ENTPD1: variants seen among roughly 807,000 people sequenced by gnomAD.
ENTPD1 encodes ectonucleoside triphosphate diphosphohydrolase 1, also known as ATP diphosphohydrolase.
In ENTPD1, 33 loss-of-function variants were observed where a neutral mutation model predicts 57.0. The ratio of observed to expected loss-of-function variants is 0.58; its 90% CI spans 0.44 to 0.77. ENTPD1 has a LOEUF of 0.77. ENTPD1 is among the 30% of genes least tolerant of loss of function. The pLI, the probability that ENTPD1 is intolerant of heterozygous loss-of-function variation, is 0.00. For synonymous variants in ENTPD1, 202 were observed against 218.8 expected (o/e 0.92, Z 0.68); for missense variants, 501 against 603.4 (o/e 0.83, Z 1.78).
intron 1 of ENTPD1, among the ~76,000 whole-genome samples, chr10:95,802,370 G>A (rs2098253334): frequency 6.6e-6 from 1 of 152,084 alleles, no homozygotes; most frequent in African/African-American, 2.4e-5. Context: ...AGAGCAGGTT[G>A]TAAAATGTTT....
upstream of ENTPD1, among the ~76,000 whole-genome samples, chr10:95,707,488 T>C (rs1487075443): frequency 6.6e-6 from 1 of 152,204 alleles, no homozygotes; most frequent in Non-Finnish European, 1.5e-5. Flanking sequence ...CCATCAGTTA[T>C]GTTTGAGAGG....
chr10:95,696,733 A>G, the ENTPD1 span, among the ~76,000 whole-genome samples: 3 of 152,242 alleles, frequency 2.0e-5, no homozygotes, highest in Non-Finnish European at 4.4e-5. Flanking sequence ...ATGGGGACCA[A>G]GTCTTAAATT....
chr10:95,725,303 C>G (rs543292551), intron 1 of ENTPD1, among the ~76,000 whole-genome samples: 1 of 152,196 alleles, frequency 6.6e-6, no homozygotes, highest in East Asian at 1.9e-4. Context: ...CTTGAAATCT[C>G]TGCTAAATCC....
chr10:95,811,676 G>A (rs761532795), intron 1 of ENTPD1, among the ~76,000 whole-genome samples: 4 of 152,154 alleles, frequency 2.6e-5, no homozygotes, highest in African/African-American at 4.8e-5. Flanking sequence ...GACCCACCAC[G>A]CCTGGCCCCA....
upstream of ENTPD1, chr10:95,755,840 T>G: frequency 6.6e-7 from 1 of 1,513,712 alleles, no homozygotes; most frequent in Non-Finnish European, 8.9e-7. Flanking sequence ...CTGAGATGAC[T>G]TTTTCAAGGG....
chr10:95,782,132 A>C (rs949773957), intron 1 of ENTPD1, among the ~76,000 whole-genome samples: 15 of 152,240 alleles, frequency 9.9e-5, no homozygotes, highest in African/African-American at 3.6e-4. Context: ...ATTGGTTTGC[A>C]GTGATCTATA....
At chr10:95,807,893 A>G (rs2098279629) in intron 1 of ENTPD1, among the ~76,000 whole-genome samples, 2 of 152,274 alleles carry the variant, frequency 1.3e-5, no homozygotes, top group East Asian at 1.9e-4. Context: ...TTCTCTTCCT[A>G]TTTGGATGCC....
intron 8 of ENTPD1, among the ~76,000 whole-genome samples, chr10:95,862,149 G>A (rs1721946010): frequency 6.6e-6 from 1 of 152,172 alleles, no homozygotes; most frequent in African/African-American, 2.4e-5. Flanking sequence ...CAGAGGCCCT[G>A]GAAGTAAGCT....
At chr10:95,805,317 C>CT (rs202014571) in intron 1 of ENTPD1, among the ~76,000 whole-genome samples, 34 of 151,932 alleles carry the variant, frequency 2.2e-4, no homozygotes, top group African/African-American at 5.8e-4. Context: ...GCAACCCCTC[C>CT]TTTTTTTTGC....
At chr10:95,721,021 C>G in intron 1 of ENTPD1, among the ~76,000 whole-genome samples, 1 of 152,134 alleles carries the variant, frequency 6.6e-6, no homozygotes, top group East Asian at 1.9e-4. Flanking sequence ...TGCTCCATGC[C>G]TAAGGCGGAC....
chr10:95,710,035 A>G (rs918188019), upstream of ENTPD1, among the ~76,000 whole-genome samples: 1 of 151,536 alleles, frequency 6.6e-6, no homozygotes, highest in African/African-American at 2.4e-5. Flanking sequence ...CGGCCTCCCA[A>G]AGTGCTGGGA....
At chr10:95,759,900 T>G (rs1283010908) in intron 1 of ENTPD1, among the ~76,000 whole-genome samples, 2 of 152,178 alleles carry the variant, frequency 1.3e-5, no homozygotes, top group African/African-American at 4.8e-5. Flanking sequence ...ACACAGCTAA[T>G]AATAGGCAGA....
At chr10:95,694,347 A>G in the ENTPD1 span, among the ~76,000 whole-genome samples, 1 of 152,126 alleles carries the variant, frequency 6.6e-6, no homozygotes, top group African/African-American at 2.4e-5. Context: ...ATGGAAGAAT[A>G]ATGTTCTCAG....
chr10:95,813,834 A>T (rs1050772377), intron 1 of ENTPD1, among the ~76,000 whole-genome samples: 9 of 152,212 alleles, frequency 5.9e-5, no homozygotes, highest in Non-Finnish European at 1.3e-4. Flanking sequence ...TTATAAAGGC[A>T]AGGTATACAA....
At chr10:95,837,017 A>G (rs1434848744) in intron 2 of ENTPD1, among the ~76,000 whole-genome samples, 1 of 152,230 alleles carries the variant, frequency 6.6e-6, no homozygotes, top group Non-Finnish European at 1.5e-5. Context: ...TGTACACAAG[A>G]TGAAATGTCT....
Position 95,867,437 on chromosome 10 carries a change from TAGTTCACTGAGTTTTAA to T in ENTPD1, c.*1057_*1073del. 1.0e-6 allele frequency: 1 copy of T among 985,438 alleles called. No homozygotes were observed. The highest frequency in any genetic ancestry group is 1.2e-6 in the Non-Finnish European group (1 of 829,918). 61.0% of individuals were successfully genotyped at this position (985,438 alleles called of 1,614,324 possible). ...ATGGAAACCAACTGTACCATAAAGA[TAGTTCACTGAGTTTTAA>T]AGCCAAGCCACATCTTATTTTTCCA... is the stretch of plus-strand genomic sequence containing the variant. On this transcript the variant is annotated 3_prime_UTR_variant, in exon 10 of 10. Transcript: ENST00000371205.
At chr10:95,741,384 C>T (rs1292222614) in intron 1 of ENTPD1, among the ~76,000 whole-genome samples, 1 of 151,994 alleles carries the variant, frequency 6.6e-6, no homozygotes, top group Non-Finnish European at 1.5e-5. Context: ...CATGGTGCCC[C>T]AAAACAGTTA....
chr10:95,862,421 A>G (rs899915063), intron 8 of ENTPD1, among the ~76,000 whole-genome samples: 2 of 152,192 alleles, frequency 1.3e-5, no homozygotes, highest in East Asian at 1.9e-4. Context: ...TGTTCCTCCT[A>G]AACACCTTTG....
the ENTPD1 span, among the ~76,000 whole-genome samples, chr10:95,695,273 C>G: frequency 6.6e-6 from 1 of 152,238 alleles, no homozygotes; most frequent in South Asian, 2.1e-4. Flanking sequence ...CCATATTGTA[C>G]AGTGGGACTG....
Sources: allele counts gnomAD v4.1 joint callset (sites outside exome capture counted in the v4.1 genomes callset), GRCh38; gene constraint gnomAD v4.1.1; transcripts MANE v1.5; gene names NCBI Gene and HGNC (gene_info 2026-07-23, HGNC 2026-07-21).